Variants in MCF2L observed in about 807,000 individuals in gnomAD.
MCF2L encodes the protein MCF.2 cell line derived transforming sequence like.
A neutral mutation model predicts 153.4 loss-of-function variants in MCF2L; 97 were observed. The observed-to-expected ratio is 0.63, with a 90% CI of 0.54 to 0.75. The LOEUF is 0.75. Among genes scored for constraint, MCF2L ranks in the 30% least tolerant of loss-of-function variants. The pLI is 0.00. For missense variants in MCF2L, 1,347 were observed against 1,495.2 expected (o/e 0.90, Z 1.64); for synonymous variants, 659 against 632.2 (o/e 1.04, Z -0.64).
chr13:113,004,387 C>T (rs2083558651), intron 1 of MCF2L, among the ~76,000 whole-genome samples: 1 of 152,260 alleles, frequency 6.6e-6, no homozygotes, highest in South Asian at 2.1e-4. Flanking sequence ...ACCACCTCCT[C>T]CATGGACCTC....
At chr13:113,078,208 C>T (rs576271872) in intron 13 of MCF2L, among the ~76,000 whole-genome samples, 155 bp from the exon 14 acceptor site, 1 of 152,256 alleles carries the variant, frequency 6.6e-6, no homozygotes, top group East Asian at 1.9e-4. Context: ...ATGCCACCCC[C>T]TGTGGCCTCA....
chr13:113,055,354 C>A (rs2087660629), intron 4 of MCF2L, among the ~76,000 whole-genome samples: 1 of 135,740 alleles, frequency 7.4e-6, no homozygotes, highest in Non-Finnish European at 1.5e-5. Flanking sequence ...ATAGTTGCAC[C>A]TGCTGGAGAC....
chr13:112,990,829 T>C (rs900231208), intron 1 of MCF2L, among the ~76,000 whole-genome samples: 4 of 152,146 alleles, frequency 2.6e-5, no homozygotes, highest in African/African-American at 9.7e-5. Context: ...CCCTGTTCCC[T>C]AAACAACGGG....
intron 2 of MCF2L, among the ~76,000 whole-genome samples, chr13:112,926,205 A>G (rs1039056657): frequency 2.0e-5 from 3 of 151,816 alleles, no homozygotes; most frequent in Admixed American, 6.6e-5. Flanking sequence ...GGCCTGGTCT[A>G]TATGCACAGT....
chr13:113,082,220 G>C (rs1199454575), intron 16 of MCF2L, among the ~76,000 whole-genome samples: 2 of 152,218 alleles, frequency 1.3e-5, no homozygotes, highest in Non-Finnish European at 2.9e-5. Context: ...AAAGGGAGAA[G>C]GGTAGAACCT....
chr13:112,944,539 A>G (rs966902935), intron 2 of MCF2L, among the ~76,000 whole-genome samples: 1 of 148,890 alleles, frequency 6.7e-6, no homozygotes, highest in African/African-American at 2.5e-5. Context: ...AGAGCTGTCA[A>G]TCTGTCAGTC....
At chr13:112,926,420 C>T (rs2081405599) in intron 2 of MCF2L, among the ~76,000 whole-genome samples, 1 of 152,108 alleles carries the variant, frequency 6.6e-6, no homozygotes, top group East Asian at 1.9e-4. Context: ...CAGCGGAGTG[C>T]AGTACGGCCT....
Position 112,917,261 on chromosome 13 carries a change from C to T in MCF2L, c.169+14890C>T, listed in dbSNP as rs570622535. ...CCGCATCCTACAGGTCTCCCAGAGC[C>T]GCGTCATCCACTGCAGCTCCATCCA... is the stretch of plus-strand genomic sequence containing the variant. On this transcript the variant is annotated intron_variant, in intron 2 of 29. Coordinates refer to the MCF2L transcript ENST00000375608. 1,383 of 452,050 alleles carry T rather than the reference C, an allele frequency of 3.1e-3. 5 individuals are homozygous for T. Among genetic ancestry groups the T allele is most frequent in the Non-Finnish European group, 4.7e-3 (1,029 of 219,286 alleles). 28.0% of individuals were successfully genotyped at this position (452,050 alleles called of 1,614,324 possible).
intron 1 of MCF2L, among the ~76,000 whole-genome samples, chr13:113,013,640 G>A (rs763617869): frequency 5.3e-5 from 8 of 152,350 alleles, no homozygotes; most frequent in South Asian, 4.1e-4. Context: ...GGCTGTTAGT[G>A]ACCTGGGTCC....
chr13:112,968,111 TC>T (rs2081924280), upstream of MCF2L: 2 of 194,580 alleles, frequency 1.0e-5, no homozygotes, highest in Non-Finnish European at 2.0e-5. Context: ...TCTCTCTCTC[TC>T]TCTCTCTTTT....
At chr13:113,041,138 A>C (rs2086458246) in intron 3 of MCF2L, 1 of 152,150 alleles carries the variant, frequency 6.6e-6, no homozygotes, top group African/African-American at 2.4e-5. Flanking sequence ...TGCGAGGGAC[A>C]TTTCTGGGGT....
In MCF2L at chr13:113,064,478, A is replaced by C. The variant is rs958048081; in HGVS notation, c.606+58A>C. On this transcript the variant is annotated intron_variant, in intron 6 of 29. Coordinates refer to ENST00000535094, the MANE Select transcript of MCF2L (RefSeq NM_001112732.3). This position sits in a 1 kb window ranked among gnomAD's most constrained non-coding sequence, Gnocchi z 6.0. ...ATACCAGCTCGAGTACTTCCACAGA[A>C]TCGCTCTTGCATTACAACACGGCCC... 2 of 1,097,800 alleles carry C rather than the reference A, an allele frequency of 1.8e-6. No homozygotes were observed. Among genetic ancestry groups the C allele is most frequent in the Non-Finnish European group, 2.8e-6 (2 of 721,018 alleles). The allele number at this position is 1,097,800 out of a possible 1,614,324, so 68.0% of individuals were successfully genotyped here.
chr13:112,903,903 G>T (rs529802196), intron 2 of MCF2L, among the ~76,000 whole-genome samples: 6 of 152,314 alleles, frequency 3.9e-5, no homozygotes, highest in Admixed American at 6.5e-5. Context: ...ACACAGCTTA[G>T]CTGTTGTGCA....
chr13:112,986,681 C>T (rs747825682), intron 1 of MCF2L, among the ~76,000 whole-genome samples: 3 of 152,212 alleles, frequency 2.0e-5, no homozygotes, highest in African/African-American at 7.2e-5. Flanking sequence ...GAAGCCCCAT[C>T]GGAGGGTCTG....
intron 3 of MCF2L, among the ~76,000 whole-genome samples, chr13:113,033,029 C>T (rs2141382886): frequency 6.7e-6 from 1 of 148,194 alleles, no homozygotes; most frequent in East Asian, 2.0e-4. Flanking sequence ...ATTAGTGGAC[C>T]CCGTGGCGTG....
At chr13:113,018,993 C>A (rs1033478345) in intron 2 of MCF2L, among the ~76,000 whole-genome samples, 1 of 152,312 alleles carries the variant, frequency 6.6e-6, no homozygotes, top group African/African-American at 2.4e-5. Flanking sequence ...TGTGTGGAGA[C>A]AGGGCAGACT....
At chr13:113,071,320 T>C (rs1313083411) in intron 9 of MCF2L, among the ~76,000 whole-genome samples, 2 of 152,272 alleles carry the variant, frequency 1.3e-5, no homozygotes, top group Admixed American at 6.5e-5. Flanking sequence ...TTGCCACATA[T>C]GTGGTTTGCG....
chr13:112,899,463 G>A (rs372090990), intron 1 of MCF2L, among the ~76,000 whole-genome samples: 1 of 152,194 alleles, frequency 6.6e-6, no homozygotes, highest in Admixed American at 6.5e-5. Flanking sequence ...CCATCCTCTC[G>A]GGGCGGGAAA....
chr13:113,047,552 C>T (rs577794300), intron 4 of MCF2L, among the ~76,000 whole-genome samples: 1 of 152,390 alleles, frequency 6.6e-6, no homozygotes, highest in East Asian at 1.9e-4. Context: ...AACACCGTTA[C>T]AGCCGCATCT....
Sources: gnomAD v4.1 joint callset for allele counts (sites outside exome capture counted in the v4.1 genomes callset) on GRCh38, gnomAD v4.1.1 for gene constraint, Gnocchi (gnomAD v3.1) non-coding constraint, MANE v1.5 for transcripts, NCBI Gene and HGNC (gene_info 2026-07-23, HGNC 2026-07-21) for gene names.